NBL1: variants seen among roughly 807,000 people sequenced by gnomAD.
The protein encoded by NBL1 is neuroblastoma suppressor of tumorigenicity 1.
NBL1 carries 9 observed loss-of-function variants against 16.0 expected under a neutral mutation model. The observed-to-expected ratio is 0.56, with a 90% CI of 0.34 to 0.98. The LOEUF is 0.98. Among genes scored for constraint, NBL1 ranks in the 50% least tolerant of loss-of-function variants. The probability of loss-of-function intolerance (pLI) is 0.02; values close to 1 mark genes in which losing one functional copy is unlikely to be tolerated. For synonymous variants in NBL1, 86 were observed against 100.7 expected, an observed-to-expected ratio of 0.85 and a Z score of 0.87; for missense variants, 196 against 243.1, an observed-to-expected ratio of 0.81 and a Z score of 1.29.
intron 1 of NBL1, among the ~76,000 whole-genome samples, chr1:19,654,679 T>C (rs2095046104): frequency 6.6e-6 from 1 of 152,024 alleles, no homozygotes; most frequent in Non-Finnish European, 1.5e-5. Context: ...CCTTTTTAGA[T>C]GAAGAAACCG....
intron 3 of NBL1, among the ~76,000 whole-genome samples, chr1:19,655,707 G>A (rs964294874): frequency 2.0e-5 from 3 of 152,194 alleles, no homozygotes; most frequent in Non-Finnish European, 4.4e-5. Flanking sequence ...GGGGCTTCCT[G>A]TTGTTATAGG....
In NBL1 at chr1:19,658,160, C is replaced by T. The variant is rs1297526408; in HGVS notation, c.*1031C>T. 1.3e-5 allele frequency: 2 copies of T among 152,756 alleles called. No individual in the cohort carries two copies. Among genetic ancestry groups the T allele is most frequent in the Non-Finnish European group, 2.9e-5 (2 of 68,116 alleles). The allele number at this position is 152,756 out of a possible 1,614,324, so 9.5% of individuals were successfully genotyped here. ...TGGACAGTCAGGGTTCACTTGGGCTCTCTCTAGCTCCCCAATTCTGCCTGC... is the reference window on the plus strand; with the variant it reads ...TGGACAGTCAGGGTTCACTTGGGCTTTCTCTAGCTCCCCAATTCTGCCTGC... On this transcript the variant is annotated 3_prime_UTR_variant, in exon 4 of 4. Coordinates refer to ENST00000375136, the MANE Select transcript of NBL1 (RefSeq NM_005380.8).
At chr1:19,644,304 CG>C, upstream of NBL1, 2 of 979,758 alleles carry the variant, frequency 2.0e-6, no homozygotes, top group Non-Finnish European at 2.4e-6. This position sits in a 1 kb window ranked among gnomAD's most constrained non-coding sequence, Gnocchi z 4.6. Flanking sequence ...CGCGCCCGCC[CG>C]GGGCCGCAGA....
intron 1 of NBL1, among the ~76,000 whole-genome samples, chr1:19,648,764 T>A (rs1322956258): frequency 6.8e-6 from 1 of 148,042 alleles, no homozygotes; most frequent in Non-Finnish European, 1.5e-5. Context: ...AGGGCTTGGA[T>A]TTGGGAGTGG....
intron 1 of NBL1, among the ~76,000 whole-genome samples, chr1:19,652,184 C>T (rs146532449): frequency 6.6e-6 from 1 of 152,300 alleles, no homozygotes; most frequent in Non-Finnish European, 1.5e-5. Context: ...GTCCCTGGAC[C>T]TCTCCTAAGG....
Position 19,655,050 on chromosome 1 carries a change from T to C in NBL1, c.20T>C (p.Val7Ala). The C allele has an allele frequency of 1.2e-6, 2 of 1,610,958 alleles. No individual in the cohort carries two copies. Among genetic ancestry groups the C allele is most frequent in the Non-Finnish European group, 1.7e-6 (2 of 1,179,418 alleles). Reference sequence around the variant, plus strand: ...ACGGGCATGATGCTTCGGGTCCTGGTGGGGGCTGTCCTCCCTGCCATGCTA... The same window carrying C: ...ACGGGCATGATGCTTCGGGTCCTGGCGGGGGCTGTCCTCCCTGCCATGCTA... Reference protein sequence around the residue: MMLRVLVGAVLPAMLLA... With the variant: MMLRVLAGAVLPAMLLA... Residue 7 changes from valine (V) to alanine (A), a missense_variant, in exon 2 of 4, where the codon GTG becomes GCG. Coordinates refer to ENST00000375136, the MANE Select transcript of NBL1 (RefSeq NM_005380.8).
At chr1:19,654,965 C>T in intron 1 of NBL1, 47 bp from the exon 2 acceptor site, 1 of 1,517,332 alleles carries the variant, frequency 6.6e-7, no homozygotes, top group Non-Finnish European at 8.8e-7. Flanking sequence ...ACTACCCGGC[C>T]CCCTGCACCT....
intron 1 of NBL1, chr1:19,645,452 C>T: frequency 2.0e-6 from 2 of 992,136 alleles, no homozygotes; most frequent in South Asian, 9.1e-5. Flanking sequence ...GAAAGCCACA[C>T]TTCCAGGCTT....
upstream of NBL1, chr1:19,643,893 CA>C (rs1345649438): frequency 2.1e-5 from 21 of 988,634 alleles, no homozygotes; most frequent in Non-Finnish European, 2.4e-5. The surrounding 1 kb of genome is among the most constrained non-coding windows in gnomAD (Gnocchi z 4.7). Flanking sequence ...CCGGTGCCCA[CA>C]AAAAGGACAC....
rs192765046 is a variant in NBL1, at chr1:19,648,335, G to C, written c.-20+3889G>C. ...GTTAATCGAAGCCCCTTTCCTGGGG[G>C]CTGGGAGGCCGTTGCTCCTGGCCTG... is the stretch of plus-strand genomic sequence containing the variant. On this transcript the variant is annotated intron_variant, in intron 1 of 3. Coordinates refer to ENST00000375136, the MANE Select transcript of NBL1 (RefSeq NM_005380.8). Among the ~76,000 whole-genome samples, 228 of 152,316 alleles carry C rather than the reference G, an allele frequency of 1.5e-3. 3 individuals are homozygous for C. Among genetic ancestry groups the C allele is most frequent in the African/African-American group, 5.2e-3 (216 of 41,576 alleles).
At chr1:19,649,617 C>T (rs904142675) in intron 1 of NBL1, among the ~76,000 whole-genome samples, 3 of 152,172 alleles carry the variant, frequency 2.0e-5, no homozygotes, top group African/African-American at 4.8e-5. Context: ...CTCGATCTCC[C>T]AAAATGCTGG....
chr1:19,655,215 G>A lies in NBL1; in HGVS notation c.170+15G>A. On this transcript the variant is annotated intron_variant, in intron 2 of 3. Transcript: ENST00000375136. Reference sequence around the variant, plus strand: ...ATCCAGAACAGGTGGGACCCAAGGGGTGGGTGGGGGGATGCGGACAGGGGT... The same window carrying A: ...ATCCAGAACAGGTGGGACCCAAGGGATGGGTGGGGGGATGCGGACAGGGGT... 1.9e-6 allele frequency: 3 copies of A among 1,603,716 alleles called. No individual in the cohort carries two copies. Among genetic ancestry groups the A allele is most frequent in the Non-Finnish European group, 2.6e-6 (3 of 1,174,110 alleles).
chr1:19,653,367 C>T (rs1190238992), intron 1 of NBL1, among the ~76,000 whole-genome samples: 1 of 151,958 alleles, frequency 6.6e-6, no homozygotes, highest in Non-Finnish European at 1.5e-5. Context: ...GATGCCCAGT[C>T]CCAAGCCACC....
chr1:19,643,340 G>A, upstream of NBL1: 1 of 1,614,038 alleles, frequency 6.2e-7, no homozygotes, highest in Non-Finnish European at 8.5e-7. The surrounding 1 kb of genome is among the most constrained non-coding windows in gnomAD (Gnocchi z 4.7). Context: ...AGTCAGACAA[G>A]CAGGGCTGTG....
In NBL1 at chr1:19,657,157, A is replaced by G; in HGVS notation, c.*28A>G. The G allele has an allele frequency of 9.6e-7, 1 of 1,045,424 alleles. No individual in the cohort carries two copies. The highest frequency in any genetic ancestry group is 1.4e-6 in the Non-Finnish European group (1 of 729,264). The allele number at this position is 1,045,424 out of a possible 1,614,324, so 64.8% of individuals were successfully genotyped here. A position where few individuals can be genotyped will look rare whatever the true frequency, so the allele number is the denominator to read the frequency against. The stretch of plus-strand genomic sequence containing the variant: ...CCCCCCCAACTCTTCCTCCCCTCTC[A>G]TCCCCCTGTGGAATGTTGGGTCTCA... On this transcript the variant is annotated 3_prime_UTR_variant, in exon 4 of 4. Coordinates refer to ENST00000375136, the MANE Select transcript of NBL1 (RefSeq NM_005380.8).
At chr1:19,656,516 C>T (rs2095057410) in intron 3 of NBL1, among the ~76,000 whole-genome samples, 2 of 151,588 alleles carry the variant, frequency 1.3e-5, no homozygotes, top group Admixed American at 1.3e-4. Context: ...GTAGGGGGGC[C>T]AGCCAGCTGG....
At chr1:19,653,712 TC>T (rs1017080581) in intron 1 of NBL1, among the ~76,000 whole-genome samples, 11 of 152,186 alleles carry the variant, frequency 7.2e-5, no homozygotes, top group African/African-American at 2.7e-4. Context: ...GGCTGTGCCG[TC>T]CTCCGAGGGT....
At chr1:19,644,187 CGCGCGCGCCCGCCCGCTCTTTCT>C, upstream of NBL1, 1 of 979,974 alleles carries the variant, frequency 1.0e-6, no homozygotes, top group Non-Finnish European at 1.2e-6. The surrounding 1 kb of genome is among the most constrained non-coding windows in gnomAD (Gnocchi z 4.6). Flanking sequence ...AGGGAGAGGC[CGCGCGCGCCCGCCCGCTCTTTCT>C]GCGCGCGGCC....
Position 19,657,072 on chromosome 1 carries a change from T to C in NBL1, c.489T>C (p.Pro163=), listed in dbSNP as rs1570572878. ...ACCCCCATCCTGGCGGGCAGACCCC[T>C]GAGCCCGAGGACCCCCCTGGGGCCC... ...HPHPHPGGQT[P]EPEDPPGAPH... Residue 163 remains proline (P), a synonymous_variant, in exon 4 of 4, where the codon CCT becomes CCC. Transcript: ENST00000375136. 2 of 1,271,836 alleles carry C rather than the reference T, an allele frequency of 1.6e-6. No individual in the cohort carries two copies. The highest frequency in any genetic ancestry group is 2.0e-6 in the Non-Finnish European group (2 of 984,948). 78.8% of individuals were successfully genotyped at this position (1,271,836 alleles called of 1,614,324 possible).
Sources: gnomAD v4.1 joint callset for allele counts (sites outside exome capture counted in the v4.1 genomes callset) on GRCh38, gnomAD v4.1.1 for gene constraint, Gnocchi (gnomAD v3.1) non-coding constraint, MANE v1.5 for transcripts, NCBI Gene and HGNC (gene_info 2026-07-23, HGNC 2026-07-21) for gene names.